The following IGSF11 variants were observed in gnomAD, a reference collection of about 807,000 sequenced individuals.
IGSF11 encodes immunoglobulin superfamily member 11, also known as CXADR like 1.
A neutral mutation model predicts 41.0 loss-of-function variants in IGSF11; 22 were observed. The observed-to-expected ratio is 0.54, with a 90% CI of 0.38 to 0.77. The LOEUF is 0.77. IGSF11 is among the 30% of genes least tolerant of loss of function. IGSF11 has a pLI of 0.00. For missense variants in IGSF11, 444 were observed against 530.8 expected (o/e 0.84, Z 1.61); for synonymous variants, 219 against 201.3 (o/e 1.09, Z -0.74).
Position 118,945,703 on chromosome 3 carries a change from T to A in IGSF11, c.53-15428A>T, listed in dbSNP as rs142873980. ...TAAATCCCAACTGTTCCACATCAGG[T>A]CCTTTCTCTAAGCTTTTCTTACCTC... is the stretch of plus-strand genomic sequence containing the variant. On this transcript the variant is annotated intron_variant, in intron 1 of 6. Transcript: ENST00000393775. 4.6e-5 allele frequency among the ~76,000 whole-genome samples: 7 copies of A among 152,280 alleles called. No individual in the cohort carries two copies. In the East Asian group the frequency reaches 1.4e-3, roughly 29 times the overall value.
chr3:119,089,779 C>G (rs573097219), intron 1 of IGSF11, among the ~76,000 whole-genome samples: 1 of 152,182 alleles, frequency 6.6e-6, no homozygotes, highest in African/African-American at 2.4e-5. Context: ...AATCTCAGCA[C>G]TTTGGGAGGC....
At chr3:119,035,202 T>C (rs1419833729), upstream of IGSF11, among the ~76,000 whole-genome samples, 1 of 152,226 alleles carries the variant, frequency 6.6e-6, no homozygotes, top group Non-Finnish European at 1.5e-5. Context: ...CAATGACTTT[T>C]CCACAGCCTT....
intron 1 of IGSF11, among the ~76,000 whole-genome samples, chr3:119,050,532 T>A (rs1466277018): frequency 1.3e-5 from 2 of 151,670 alleles, no homozygotes; most frequent in South Asian, 4.2e-4. Flanking sequence ...ATAGGAACAC[T>A]TTTACACTGT....
intron 1 of IGSF11, among the ~76,000 whole-genome samples, chr3:119,003,440 C>G (rs1344989486): frequency 6.6e-6 from 1 of 150,700 alleles, no homozygotes; most frequent in East Asian, 1.9e-4. Context: ...TTGACTTCCT[C>G]TTTTCCTAAT....
At chr3:119,082,208 A>G (rs1331363463) in intron 1 of IGSF11, among the ~76,000 whole-genome samples, 1 of 152,210 alleles carries the variant, frequency 6.6e-6, no homozygotes, top group Admixed American at 6.5e-5. Context: ...TAAAATCAAT[A>G]CAATAAGTTA....
intron 1 of IGSF11, among the ~76,000 whole-genome samples, chr3:118,941,448 T>C (rs1371241990): frequency 6.6e-6 from 1 of 152,096 alleles, no homozygotes; most frequent in Non-Finnish European, 1.5e-5. Flanking sequence ...AACTAGAATA[T>C]ATTATATTAA....
At chr3:119,049,938 C>G (rs1190518369) in intron 1 of IGSF11, among the ~76,000 whole-genome samples, 1 of 146,970 alleles carries the variant, frequency 6.8e-6, no homozygotes, top group Non-Finnish European at 1.5e-5. Context: ...GGAAAACTGG[C>G]TAGCCATATG....
upstream of IGSF11, among the ~76,000 whole-genome samples, chr3:119,109,665 C>T (rs1356572347): frequency 6.6e-6 from 1 of 152,074 alleles, no homozygotes; most frequent in East Asian, 1.9e-4. Flanking sequence ...TTGTCTAGTT[C>T]TTTTAATTGT....
At chr3:118,968,464 C>T (rs976845589) in intron 1 of IGSF11, among the ~76,000 whole-genome samples, 1 of 152,134 alleles carries the variant, frequency 6.6e-6, no homozygotes, top group Non-Finnish European at 1.5e-5. Flanking sequence ...AAATAAAGTA[C>T]AGGACAGAGA....
chr3:119,035,767 A>G (rs531376071), upstream of IGSF11, among the ~76,000 whole-genome samples: 2 of 152,164 alleles, frequency 1.3e-5, no homozygotes, highest in Admixed American at 1.3e-4. Flanking sequence ...TGTACAGCTC[A>G]TAGTCACTTC....
intron 4 of IGSF11, among the ~76,000 whole-genome samples, chr3:118,910,474 G>T (rs765515194): frequency 1.3e-5 from 2 of 152,088 alleles, no homozygotes; most frequent in Non-Finnish European, 2.9e-5. Context: ...TGTCACTAGG[G>T]ACTTAGTTCA....
At chr3:118,937,315 G>C (rs1400426160) in intron 1 of IGSF11, among the ~76,000 whole-genome samples, 2 of 152,010 alleles carry the variant, frequency 1.3e-5, no homozygotes, top group Admixed American at 1.3e-4. Flanking sequence ...AGACTGACAT[G>C]AGTTCAAAAA....
chr3:118,912,423 G>A (rs1940441761), intron 4 of IGSF11, among the ~76,000 whole-genome samples: 1 of 152,088 alleles, frequency 6.6e-6, no homozygotes, highest in Non-Finnish European at 1.5e-5. Flanking sequence ...CTCCAGCCCT[G>A]GATTTTCAAT....
chr3:119,017,018 C>A (rs1164751817), intron 1 of IGSF11, among the ~76,000 whole-genome samples: 2 of 102,938 alleles, frequency 1.9e-5, no homozygotes, highest in Admixed American at 1.3e-4. Flanking sequence ...AAAGCATGAG[C>A]AAAGTTAAAT....
intron 1 of IGSF11, among the ~76,000 whole-genome samples, chr3:119,020,548 T>C (rs1939188052): frequency 6.6e-6 from 1 of 152,266 alleles, no homozygotes; most frequent in Non-Finnish European, 1.5e-5. Context: ...GTTATGTTTG[T>C]CTTTTAGAGC....
chr3:118,919,283 T>C (rs1236920173), intron 4 of IGSF11, among the ~76,000 whole-genome samples: 1 of 141,072 alleles, frequency 7.1e-6, no homozygotes, highest in Admixed American at 7.0e-5. Flanking sequence ...CTAAAGAGTT[T>C]CTGCACAGCA....
chr3:118,941,806 T>A (rs2107559375), intron 1 of IGSF11, among the ~76,000 whole-genome samples: 1 of 152,258 alleles, frequency 6.6e-6, no homozygotes, highest in South Asian at 2.1e-4. Flanking sequence ...ACCTCAAACT[T>A]CTGATATATG....
intron 1 of IGSF11, among the ~76,000 whole-genome samples, chr3:119,007,825 C>A (rs1461908469): frequency 1.3e-5 from 2 of 152,176 alleles, no homozygotes; most frequent in Admixed American, 6.5e-5. Context: ...GTATCTTGAT[C>A]ATGCTTCCTC....
intron 4 of IGSF11, among the ~76,000 whole-genome samples, chr3:118,912,884 A>G (rs1940515763): frequency 6.6e-6 from 1 of 152,192 alleles, no homozygotes; most frequent in African/African-American, 2.4e-5. Flanking sequence ...CTGTAATCCC[A>G]GCTACTCGGG....
Sources: allele counts gnomAD v4.1 joint callset (sites outside exome capture counted in the v4.1 genomes callset), GRCh38; gene constraint gnomAD v4.1.1; transcripts MANE v1.5; gene names NCBI Gene and HGNC (gene_info 2026-07-23, HGNC 2026-07-21).